Variants in FRAS1 observed in about 807,000 individuals in gnomAD.
FRAS1 encodes the protein Fraser extracellular matrix complex subunit 1, also known as extracellular matrix organizing protein FRAS1.
Under a neutral mutation model 435.2 loss-of-function variants are expected in FRAS1, and 290 were observed. The ratio of observed to expected loss-of-function variants is 0.67; its 90% CI spans 0.61 to 0.73. FRAS1 has a LOEUF of 0.73. FRAS1 is among the 30% of genes least tolerant of loss of function. The pLI is 0.00. For synonymous variants in FRAS1, 1,800 were observed against 1,851.0 expected, an observed-to-expected ratio of 0.97 and a Z score of 0.71; for missense variants, 4,860 against 5,001.5, an observed-to-expected ratio of 0.97 and a Z score of 0.85.
intron 14 of FRAS1, among the ~76,000 whole-genome samples, chr4:78,302,739 T>C (rs1728478821): frequency 6.6e-6 from 1 of 152,244 alleles, no homozygotes. Context: ...TTGAGTTCAT[T>C]GTACATTCTG....
At chr4:78,257,120 A>G (rs1289845668) in intron 6 of FRAS1, among the ~76,000 whole-genome samples, 1 of 152,184 alleles carries the variant, frequency 6.6e-6, no homozygotes, top group East Asian at 1.9e-4. Flanking sequence ...AGTAGGAGCT[A>G]TTATTATGAT....
rs1199892973 is a variant in FRAS1 at position 78,477,846 on chromosome 4, C to T, written c.7883C>T (p.Ser2628Phe). Residue 2628 changes from serine to phenylalanine, a missense_variant, in exon 55 of 74, where the codon TCC becomes TTC. Transcript: ENST00000512123. ...VQFDEREDTK[S>F]CTIVINDDDV... ...TTTGATGAGCGAGAGGACACCAAGT[C>T]CTGCACCATTGTCATCAACGATGAT... 1 of 1,613,548 alleles carries T rather than the reference C, an allele frequency of 6.2e-7. No homozygotes were observed. Among genetic ancestry groups the T allele is most frequent in the Non-Finnish European group, 8.5e-7 (1 of 1,179,744 alleles).
At chr4:78,409,112 C>A in intron 31 of FRAS1, among the ~76,000 whole-genome samples, 1 of 124,804 alleles carries the variant, frequency 8.0e-6, no homozygotes, top group African/African-American at 3.1e-5. Context: ...GAGCGAGACC[C>A]TCTCTCAAAA....
chr4:78,266,679 G>A (rs1189326410), intron 7 of FRAS1, among the ~76,000 whole-genome samples, 155 bp from the exon 8 acceptor site: 1 of 152,204 alleles, frequency 6.6e-6, no homozygotes, highest in African/African-American at 2.4e-5. Context: ...TTTCATAGAG[G>A]CTATTCCTAT....
intron 50 of FRAS1, among the ~76,000 whole-genome samples, chr4:78,468,538 G>C (rs1280808904): frequency 8.0e-6 from 1 of 124,626 alleles, no homozygotes; most frequent in Non-Finnish European, 1.9e-5. Flanking sequence ...ACCAGCTTGT[G>C]AAACCAGTAA....
chr4:78,410,041 T>C (rs1207389578), intron 31 of FRAS1, among the ~76,000 whole-genome samples: 2 of 152,230 alleles, frequency 1.3e-5, no homozygotes, highest in Non-Finnish European at 2.9e-5. Context: ...AGTTAACTTT[T>C]CATTTTTAGC....
intron 15 of FRAS1, among the ~76,000 whole-genome samples, chr4:78,309,302 T>G (rs1728921743): frequency 1.3e-5 from 2 of 152,212 alleles, no homozygotes; most frequent in Admixed American, 1.3e-4. Flanking sequence ...CTGTGTTGTT[T>G]TAAGCCAAAG....
chr4:78,065,959 A>T, intron 1 of FRAS1, 26 bp from the exon 2 acceptor site: 1 of 1,590,536 alleles, frequency 6.3e-7, no homozygotes, highest in Non-Finnish European at 8.6e-7. Flanking sequence ...CATCCCTTTT[A>T]ATTCTTGTTT....
At chr4:78,247,458 G>A (rs1454898) in intron 4 of FRAS1, among the ~76,000 whole-genome samples, 44,129 of 151,882 alleles carry the variant, frequency 0.29, 7,019 homozygotes, top group East Asian at 0.38. Flanking sequence ...TTTTTAAGGC[G>A]AGACAAAATC....
intron 29 of FRAS1, among the ~76,000 whole-genome samples, chr4:78,398,304 G>A (rs1414005969): frequency 6.6e-6 from 1 of 152,258 alleles, no homozygotes; most frequent in African/African-American, 2.4e-5. Flanking sequence ...TGCTTTTCAT[G>A]CGTTAGTATG....
At chr4:78,145,261 G>T (rs1720368972) in intron 2 of FRAS1, among the ~76,000 whole-genome samples, 1 of 152,070 alleles carries the variant, frequency 6.6e-6, no homozygotes, top group Non-Finnish European at 1.5e-5. Context: ...CCTTACTCTA[G>T]GTAGGCCACT....
chr4:78,502,337 C>G (rs544939274), intron 61 of FRAS1, among the ~76,000 whole-genome samples: 26 of 152,292 alleles, frequency 1.7e-4, no homozygotes, highest in African/African-American at 6.0e-4. Context: ...GATATTGATT[C>G]TTCCTCTCCG....
At chr4:78,181,844 T>C (rs1722018954) in intron 2 of FRAS1, 1 of 1,612,090 alleles carries the variant, frequency 6.2e-7, no homozygotes, top group African/African-American at 1.3e-5. Context: ...GCGCAGCTGT[T>C]TGCCTGCCGC....
intron 6 of FRAS1, among the ~76,000 whole-genome samples, chr4:78,262,297 C>T (rs1182853632): frequency 6.6e-6 from 1 of 152,130 alleles, no homozygotes; most frequent in Non-Finnish European, 1.5e-5. Context: ...CTCTTCTTCC[C>T]CAGCACACAT....
intron 61 of FRAS1, among the ~76,000 whole-genome samples, chr4:78,506,491 G>A (rs528601974): frequency 7.2e-5 from 11 of 152,320 alleles, no homozygotes; most frequent in Non-Finnish European, 1.2e-4. Flanking sequence ...CTACAGCCTC[G>A]CGGGTTGATC....
chr4:78,215,484 G>A (rs1049898914), intron 2 of FRAS1, among the ~76,000 whole-genome samples: 4 of 152,140 alleles, frequency 2.6e-5, no homozygotes, highest in South Asian at 2.1e-4. Flanking sequence ...ATGAGCCACC[G>A]CACCCGGCCA....
chr4:78,318,789 G>A (rs371605835), intron 17 of FRAS1, 21 bp from the exon 18 acceptor site: 1 of 1,533,480 alleles, frequency 6.5e-7, no homozygotes, highest in Non-Finnish European at 8.8e-7. Flanking sequence ...ATTATTTTCT[G>A]CATTTTATTT....
chr4:78,388,501 C>T (rs74641340), intron 29 of FRAS1, among the ~76,000 whole-genome samples: 162 of 151,454 alleles, frequency 1.1e-3, no homozygotes, highest in African/African-American at 3.5e-3. Flanking sequence ...GAGTAGGAGC[C>T]AATAAAGAGC....
chr4:78,367,697 A>G (rs932685254), intron 22 of FRAS1, among the ~76,000 whole-genome samples: 19 of 151,774 alleles, frequency 1.3e-4, no homozygotes, highest in Non-Finnish European at 2.4e-4. Context: ...CTGTATTTGT[A>G]CAGTTGGTTT....
Sources: allele counts gnomAD v4.1 joint callset (sites outside exome capture counted in the v4.1 genomes callset), GRCh38; gene constraint gnomAD v4.1.1; transcripts MANE v1.5; gene names NCBI Gene and HGNC (gene_info 2026-07-23, HGNC 2026-07-21).